NEXN: variants seen among roughly 807,000 people sequenced by gnomAD.
NEXN encodes nexilin F-actin binding protein, also known as nexilin.
NEXN carries 65 observed loss-of-function variants against 92.6 expected under a neutral mutation model. That is an observed-to-expected ratio of 0.70 (90% CI 0.57 to 0.86). NEXN has a LOEUF of 0.86. Ranked by LOEUF, NEXN falls within the 40% of genes least tolerant of loss-of-function variation. The probability of loss-of-function intolerance (pLI) is 0.00; values close to 1 mark genes in which losing one functional copy is unlikely to be tolerated. For synonymous variants in NEXN, 254 were observed against 242.5 expected (o/e 1.05, Z -0.44); for missense variants, 778 against 771.1 (o/e 1.01, Z -0.11).
chr1:77,939,919 C>T (rs969418553), intron 11 of NEXN, among the ~76,000 whole-genome samples: 3 of 152,216 alleles, frequency 2.0e-5, no homozygotes, highest in East Asian at 1.9e-4. Flanking sequence ...ACTAAAAATA[C>T]AAAAATTAGC....
chr1:77,933,973 C>T (rs1160921219), intron 10 of NEXN, among the ~76,000 whole-genome samples: 3 of 149,960 alleles, frequency 2.0e-5, no homozygotes, highest in Non-Finnish European at 4.4e-5. Context: ...GTAGCTGAGA[C>T]TTGGGGTGCA....
intron 9 of NEXN, chr1:77,932,959 C>CT (rs1650425327): frequency 8.9e-6 from 2 of 224,152 alleles, no homozygotes; most frequent in South Asian, 1.3e-4. Flanking sequence ...GTCGGGAGTT[C>CT]GAGACCAGCC....
At chr1:77,916,195 C>A in intron 2 of NEXN, 62 bp downstream of exon 2, 1 of 1,312,904 alleles carries the variant, frequency 7.6e-7, no homozygotes, top group South Asian at 1.2e-5. Context: ...TGTAGAATTG[C>A]TGAAAGGACA....
intron 5 of NEXN, among the ~76,000 whole-genome samples, chr1:77,922,420 C>T (rs9729146): frequency 0.81 from 121,868 of 151,328 alleles, 49,267 homozygotes; most frequent in Non-Finnish European, 0.86. Context: ...TGAGCCACCG[C>T]GCCTGGCCTA....
rs1649136883 is a variant in NEXN, at chr1:77,918,240, AATAC to A, written c.416_419del (p.Ile139SerfsTer4). 1.2e-6 allele frequency: 2 copies of A among 1,614,148 alleles called. No homozygotes were observed. Among genetic ancestry groups the A allele is most frequent in the East Asian group, 4.5e-5 (2 of 44,866 alleles). ...AGCAGGATATGTTAGAAAAGAGGAA[AATAC>A]AGCGTGAATTAGCAAAAAGGGCTGA... On this transcript the variant is annotated frameshift_variant, in exon 5 of 13. Transcript: ENST00000334785. LOFTEE classifies it high-confidence loss of function.
chr1:77,914,920 A>G (rs1054533493), intron 1 of NEXN, among the ~76,000 whole-genome samples: 1 of 152,204 alleles, frequency 6.6e-6, no homozygotes, highest in African/African-American at 2.4e-5. Context: ...AGCAAGGTCC[A>G]AACATATGCT....
rs1174498792 is a variant in NEXN, at chr1:77,942,621, G to A, written c.1820G>A (p.Gly607Glu). 6.2e-7 allele frequency: 1 copy of A among 1,613,648 alleles called. No individual in the cohort carries two copies. Among genetic ancestry groups the A allele is most frequent in the Non-Finnish European group, 8.5e-7 (1 of 1,179,652 alleles). Residue 607 changes from glycine (G) to glutamate (E), a missense_variant, in exon 13 of 13, where the codon GGA becomes GAA. By Grantham distance (98) the Gly-to-Glu change is moderately conservative. This residue lies in a region of NEXN where 532 missense variants were observed against 476.7 expected (regional missense o/e 1.12). Coordinates refer to ENST00000334785, the MANE Select transcript of NEXN (RefSeq NM_144573.4). ...GTCAGATTTACGGTTAAAGTAACAGGAGAACCCAAACCAGAAATTACATGG... is the reference window on the plus strand; with the variant it reads ...GTCAGATTTACGGTTAAAGTAACAGAAGAACCCAAACCAGAAATTACATGG... ...EPVRFTVKVT[G>E]EPKPEITWWF... is the part of the protein sequence containing the mutation.
chr1:77,894,724 C>CT (rs751664094), intron 1 of NEXN, among the ~76,000 whole-genome samples: 23 of 150,352 alleles, frequency 1.5e-4, no homozygotes, highest in African/African-American at 5.1e-4. Flanking sequence ...CTTTTTTTTC[C>CT]TTTTTTTTAG....
chr1:77,935,818 T>G lies in NEXN; in HGVS notation c.1252-5T>G, dbSNP rs1650708382. On this transcript the variant is annotated splice_polypyrimidine_tract_variant and splice_region_variant and intron_variant, in intron 10 of 12. Coordinates refer to ENST00000334785, the MANE Select transcript of NEXN (RefSeq NM_144573.4). Reference sequence around the variant, plus strand: ...CAGCAACAAACTTATTAATTTTTTTTGAAGGAAGAGGAAGAAAATGAAACC... The same window carrying G: ...CAGCAACAAACTTATTAATTTTTTTGGAAGGAAGAGGAAGAAAATGAAACC... 1.2e-6 allele frequency: 2 copies of G among 1,609,620 alleles called. No homozygotes were observed. The highest frequency in any genetic ancestry group is 1.7e-6 in the Non-Finnish European group (2 of 1,178,052).
intron 5 of NEXN, among the ~76,000 whole-genome samples, chr1:77,919,827 TG>T (rs1203171643): frequency 1.3e-5 from 2 of 152,112 alleles, no homozygotes; most frequent in Admixed American, 1.3e-4. Context: ...CTTGAATTCC[TG>T]ACCTCAGGTG....
At chr1:77,923,918 C>A (rs556094937) in intron 5 of NEXN, among the ~76,000 whole-genome samples, 1 of 151,696 alleles carries the variant, frequency 6.6e-6, no homozygotes, top group Non-Finnish European at 1.5e-5. Flanking sequence ...CCTCGTGATC[C>A]GCCCGCCTCA....
intron 11 of NEXN, 106 bp downstream of exon 11, chr1:77,936,150 T>C: frequency 1.2e-6 from 1 of 804,210 alleles, no homozygotes; most frequent in Non-Finnish European, 2.0e-6. Context: ...AATTAATCAT[T>C]GGTATATACA....
intron 1 of NEXN, among the ~76,000 whole-genome samples, chr1:77,894,544 A>G (rs1404767314): frequency 6.6e-6 from 1 of 151,670 alleles, no homozygotes; most frequent in Non-Finnish European, 1.5e-5. Flanking sequence ...AGCTTCAAGC[A>G]GTCCTCCCGC....
At chr1:77,895,029 ATTTTTTTTTTTTTTT>A (rs559226754) in intron 1 of NEXN, among the ~76,000 whole-genome samples, 36 of 61,644 alleles carry the variant, frequency 5.8e-4, no homozygotes, top group Admixed American at 1.5e-3. Flanking sequence ...CTATAGTGTA[ATTTTTTTTTTTTTTT>A]TTTTTTTTTT....
At chr1:77,908,281 G>A (rs1038701707) in intron 1 of NEXN, among the ~76,000 whole-genome samples, 4 of 151,770 alleles carry the variant, frequency 2.6e-5, no homozygotes, top group African/African-American at 9.7e-5. Context: ...TCGCTATGTT[G>A]CCCAAGCTGG....
At chr1:77,912,669 G>A (rs1192535457) in intron 1 of NEXN, among the ~76,000 whole-genome samples, 1 of 152,188 alleles carries the variant, frequency 6.6e-6, no homozygotes, top group East Asian at 1.9e-4. Context: ...ACTGATCTTT[G>A]ACAAAGGAGC....
intron 8 of NEXN, among the ~76,000 whole-genome samples, 159 bp downstream of exon 8, chr1:77,927,051 G>A (rs1042069903): frequency 9.9e-5 from 15 of 151,984 alleles, no homozygotes; most frequent in Admixed American, 5.9e-4. Flanking sequence ...GGCTAGGCAC[G>A]GTGGCTCATG....
chr1:77,890,909 G>C (rs1388500430), intron 1 of NEXN, among the ~76,000 whole-genome samples: 3 of 152,102 alleles, frequency 2.0e-5, no homozygotes, highest in Non-Finnish European at 2.9e-5. Flanking sequence ...CACACACACA[G>C]AACATCTTGG....
At chr1:77,935,729 G>A in intron 10 of NEXN, 94 bp from the exon 11 acceptor site, 1 of 1,094,732 alleles carries the variant, frequency 9.1e-7, no homozygotes, top group South Asian at 1.3e-5. Context: ...GAGGCAGGAG[G>A]ATTGCTTAAA....
Sources: gnomAD v4.1 joint callset for allele counts (sites outside exome capture counted in the v4.1 genomes callset) on GRCh38, gnomAD v4.1.1 for gene constraint, gnomAD v4.1.1 regional missense constraint, MANE v1.5 for transcripts, NCBI Gene and HGNC (gene_info 2026-07-23, HGNC 2026-07-21) for gene names.